ABL1: variants seen among roughly 807,000 people sequenced by gnomAD.
ABL1 encodes the protein ABL proto-oncogene 1, non-receptor tyrosine kinase.
In ABL1, 11 loss-of-function variants were observed where a neutral mutation model predicts 94.7. That is an observed-to-expected ratio of 0.12 (90% CI 0.07 to 0.19). ABL1 has a LOEUF of 0.19. Among genes scored for constraint, ABL1 ranks in the 10% least tolerant of loss-of-function variants. The pLI, the probability that ABL1 is intolerant of heterozygous loss-of-function variation, is 1.00. For synonymous variants in ABL1, 656 were observed against 622.4 expected, an observed-to-expected ratio of 1.05 and a Z score of -0.80; for missense variants, 1,082 against 1,489.4, an observed-to-expected ratio of 0.73 and a Z score of 4.50.
At chr9:130,797,671 C>T (rs143830801) in intron 1 of ABL1, among the ~76,000 whole-genome samples, 4 of 152,298 alleles carry the variant, frequency 2.6e-5, no homozygotes, top group Non-Finnish European at 4.4e-5. Flanking sequence ...GCCTGGCTTC[C>T]GTATTTAAGT....
At chr9:130,882,430 T>C (rs758054669) in intron 10 of ABL1, among the ~76,000 whole-genome samples, 7 of 152,234 alleles carry the variant, frequency 4.6e-5, no homozygotes, top group Non-Finnish European at 8.8e-5. Flanking sequence ...AAATGCATAC[T>C]GGTACCTCTG....
In ABL1 at chr9:130,863,929, T is replaced by TA. The variant is rs1245520218; in HGVS notation, c.822+895dup. 4.6e-5 allele frequency among the ~76,000 whole-genome samples: 7 copies of TA among 152,206 alleles called. No homozygotes were observed. The highest frequency in any genetic ancestry group is 9.6e-5 in the African/African-American group (4 of 41,520). On this transcript the variant is annotated intron_variant, in intron 4 of 10. Transcript: ENST00000318560. This position sits in a 1 kb window ranked among gnomAD's most constrained non-coding sequence, Gnocchi z 4.3. Reference sequence around the variant, plus strand: ...CTGAAACATCCACCTCTGGGAAAAATAGAGTTTAGTTTGTGCATGTGTCTC... The same window carrying TA: ...CTGAAACATCCACCTCTGGGAAAAATAAGAGTTTAGTTTGTGCATGTGTCTC...
intron 1 of ABL1, among the ~76,000 whole-genome samples, chr9:130,784,482 A>T (rs938112322): frequency 7.2e-5 from 11 of 152,228 alleles, no homozygotes; most frequent in African/African-American, 2.7e-4. Flanking sequence ...CTTTTGGCTT[A>T]AACAGTATCT....
At chr9:130,828,885 T>C (rs547202488) in intron 1 of ABL1, among the ~76,000 whole-genome samples, 15 of 152,260 alleles carry the variant, frequency 9.9e-5, no homozygotes, top group African/African-American at 3.6e-4. Flanking sequence ...GTGAGTATTT[T>C]CCAAAACAGA....
intron 1 of ABL1, among the ~76,000 whole-genome samples, chr9:130,759,960 T>G (rs1300883604): frequency 7.2e-6 from 1 of 139,368 alleles, no homozygotes; most frequent in Admixed American, 7.7e-5. Context: ...TTTAGGTAAT[T>G]TAATTTTTTT....
intron 1 of ABL1, among the ~76,000 whole-genome samples, chr9:130,735,854 A>G (rs1444338869): frequency 1.3e-5 from 2 of 149,514 alleles, no homozygotes; most frequent in Admixed American, 1.3e-4. Flanking sequence ...GATGGATTCT[A>G]CTTGGTAGAT....
At chr9:130,820,344 G>T (rs1018876480) in intron 1 of ABL1, among the ~76,000 whole-genome samples, 2 of 152,180 alleles carry the variant, frequency 1.3e-5, no homozygotes, top group Admixed American at 1.3e-4. Flanking sequence ...TTGGAAAGCT[G>T]CCATTACTTG....
At position 130,771,001 on chromosome 9, in the gene ABL1, G is replaced by A. The variant is rs181630613; in HGVS notation, c.136+56546G>A. Among the ~76,000 whole-genome samples, 32 of 152,290 alleles carry A rather than the reference G, an allele frequency of 2.1e-4. No homozygotes were observed. In the East Asian group the frequency reaches 4.8e-3, roughly 23 times the overall value. On this transcript the variant is annotated intron_variant, in intron 1 of 10. Coordinates refer to the ABL1 transcript ENST00000372348. ...ACTCTAAAATTTGGTCAGTATAAAAGTAATGTTATAAAATGTGTCTATATC... is the reference window on the plus strand; with the variant it reads ...ACTCTAAAATTTGGTCAGTATAAAAATAATGTTATAAAATGTGTCTATATC...
intron 1 of ABL1, among the ~76,000 whole-genome samples, chr9:130,838,921 G>C (rs1188908024): frequency 2.0e-5 from 3 of 151,976 alleles, no homozygotes; most frequent in Non-Finnish European, 4.4e-5. Flanking sequence ...TGTTATTGTT[G>C]CTTTTGGAGA....
At chr9:130,738,367 A>G (rs1831772324) in intron 1 of ABL1, among the ~76,000 whole-genome samples, 1 of 152,230 alleles carries the variant, frequency 6.6e-6, no homozygotes, top group South Asian at 2.1e-4. Flanking sequence ...AATATTTAAT[A>G]TTCAGAACAA....
At chr9:130,723,120 G>A (rs1365874360) in intron 1 of ABL1, among the ~76,000 whole-genome samples, 1 of 152,132 alleles carries the variant, frequency 6.6e-6, no homozygotes, top group Non-Finnish European at 1.5e-5. Context: ...ACTGAGGATG[G>A]GCTTCAGTAA....
intron 1 of ABL1, among the ~76,000 whole-genome samples, chr9:130,734,864 A>G (rs1265943277): frequency 6.6e-6 from 1 of 152,070 alleles, no homozygotes; most frequent in Admixed American, 6.6e-5. Flanking sequence ...GTGTTTTGGA[A>G]TGGCGGTGTG....
intron 1 of ABL1, among the ~76,000 whole-genome samples, chr9:130,829,564 C>CA (rs1167581144): frequency 0.031 from 2,101 of 67,916 alleles, 52 homozygotes; most frequent in Middle Eastern, 0.048. Context: ...GACTACGTCT[C>CA]AAAAAAAAAA....
At chr9:130,820,688 T>A (rs1278704552) in intron 1 of ABL1, among the ~76,000 whole-genome samples, 1 of 152,180 alleles carries the variant, frequency 6.6e-6, no homozygotes, top group African/African-American at 2.4e-5. Flanking sequence ...AGTCTTTCTG[T>A]GTTTGCAGCT....
At chr9:130,764,132 G>A (rs377274326) in intron 1 of ABL1, among the ~76,000 whole-genome samples, 7 of 152,158 alleles carry the variant, frequency 4.6e-5, no homozygotes, top group East Asian at 1.9e-4. Flanking sequence ...GTAGCGCATG[G>A]CCTGGAGGAG....
chr9:130,802,045 C>T (rs1009264748), intron 1 of ABL1, among the ~76,000 whole-genome samples: 4 of 150,764 alleles, frequency 2.7e-5, no homozygotes, highest in Non-Finnish European at 4.4e-5. Context: ...CACTGGAACA[C>T]GTGACATTAT....
At chr9:130,785,245 C>T (rs34337048) in intron 1 of ABL1, among the ~76,000 whole-genome samples, 3,033 of 152,228 alleles carry the variant, frequency 0.02, 43 homozygotes, top group Non-Finnish European at 0.029. Context: ...AGTGGACTGG[C>T]GTGCAAGATG....
intron 2 of ABL1, among the ~76,000 whole-genome samples, 194 bp from the exon 3 acceptor site, chr9:130,854,607 C>G (rs1332681129): frequency 6.6e-6 from 1 of 152,186 alleles, no homozygotes; most frequent in East Asian, 1.9e-4. Flanking sequence ...CCTATCTGTT[C>G]AGTACAAACA....
intron 1 of ABL1, among the ~76,000 whole-genome samples, chr9:130,793,050 C>T (rs551558430): frequency 1.1e-4 from 17 of 152,246 alleles, no homozygotes; most frequent in African/African-American, 3.6e-4. Context: ...CTCAGCCTCC[C>T]GAGTAGCTGG....
Sources: allele counts gnomAD v4.1 joint callset (sites outside exome capture counted in the v4.1 genomes callset), GRCh38; gene constraint gnomAD v4.1.1; non-coding constraint Gnocchi (gnomAD v3.1); transcripts MANE v1.5; gene names NCBI Gene and HGNC (gene_info 2026-07-23, HGNC 2026-07-21).